GALNTL6: variants seen among roughly 807,000 people sequenced by gnomAD.
GALNTL6 encodes the protein polypeptide N-acetylgalactosaminyltransferase like 6, also known as polypeptide N-acetylgalactosaminyltransferase-like 6.
Under a neutral mutation model 73.7 loss-of-function variants are expected in GALNTL6, and 46 were observed. The ratio of observed to expected loss-of-function variants is 0.62; its 90% CI spans 0.49 to 0.80. The LOEUF (loss-of-function observed/expected upper bound fraction) is 0.80. Ranked by LOEUF, GALNTL6 falls within the 30% of genes least tolerant of loss-of-function variation. The probability of loss-of-function intolerance (pLI) is 0.00; values close to 1 mark genes in which losing one functional copy is unlikely to be tolerated. For missense variants in GALNTL6, 604 were observed against 755.0 expected (o/e 0.80, Z 2.34); for synonymous variants, 259 against 263.7 (o/e 0.98, Z 0.17).
chr4:172,438,202 C>T (rs568535937), intron 5 of GALNTL6, among the ~76,000 whole-genome samples: 2 of 152,020 alleles, frequency 1.3e-5, no homozygotes, highest in Admixed American at 1.3e-4. Flanking sequence ...TTTATAATAC[C>T]CTTCAATGCA....
At chr4:172,722,551 A>G (rs111791334) in intron 5 of GALNTL6, among the ~76,000 whole-genome samples, 1 of 152,124 alleles carries the variant, frequency 6.6e-6, no homozygotes, top group African/African-American at 2.4e-5. Flanking sequence ...TCTCAGGAAC[A>G]TTTTGATTTT....
chr4:172,466,323 A>G (rs771913021), intron 5 of GALNTL6, among the ~76,000 whole-genome samples: 5 of 152,212 alleles, frequency 3.3e-5, no homozygotes, highest in Non-Finnish European at 7.4e-5. Context: ...ACAAGGTCCT[A>G]TGAACTTCCA....
At position 172,402,496 on chromosome 4, in the gene GALNTL6, G is replaced by T. The variant is rs967112791; in HGVS notation, c.553+53807G>T. ...GCAGTTAACTGCCATTACTGGAACGGTGAAGGATACAATTTTAAAGAGAAA... is the reference window on the plus strand; with the variant it reads ...GCAGTTAACTGCCATTACTGGAACGTTGAAGGATACAATTTTAAAGAGAAA... On this transcript the variant is annotated intron_variant, in intron 5 of 12. Coordinates refer to ENST00000506823, the MANE Select transcript of GALNTL6 (RefSeq NM_001034845.3). Among the ~76,000 whole-genome samples, 3 of 152,170 alleles carry T rather than the reference G, an allele frequency of 2.0e-5. No homozygotes were observed. In the South Asian group the frequency reaches 6.2e-4, roughly 32 times the overall value.
At chr4:172,336,857 C>T (rs1348492315) in intron 4 of GALNTL6, among the ~76,000 whole-genome samples, 1 of 152,082 alleles carries the variant, frequency 6.6e-6, no homozygotes, top group Non-Finnish European at 1.5e-5. Context: ...CAGCACCCCT[C>T]CACCCCGTCC....
intron 2 of GALNTL6, among the ~76,000 whole-genome samples, chr4:171,845,319 T>C (rs914868128): frequency 2.6e-5 from 4 of 152,176 alleles, no homozygotes; most frequent in African/African-American, 9.7e-5. Flanking sequence ...AAGTTGACCG[T>C]AGGAATATGA....
chr4:172,291,822 C>A, intron 3 of GALNTL6, among the ~76,000 whole-genome samples: 1 of 151,346 alleles, frequency 6.6e-6, no homozygotes, highest in African/African-American at 2.4e-5. Context: ...AAAAATTCTG[C>A]CAAAATTATA....
intron 2 of GALNTL6, among the ~76,000 whole-genome samples, chr4:171,954,265 G>C (rs1029682050): frequency 6.6e-6 from 1 of 152,094 alleles, no homozygotes; most frequent in Non-Finnish European, 1.5e-5. Flanking sequence ...GAAATACACT[G>C]CTCCAGAGCA....
intron 2 of GALNTL6, among the ~76,000 whole-genome samples, chr4:171,903,306 C>T (rs1441252175): frequency 6.6e-6 from 1 of 152,074 alleles, no homozygotes. Context: ...CGAGCTGAAG[C>T]AGGGCGAGGC....
intron 3 of GALNTL6, among the ~76,000 whole-genome samples, chr4:172,250,200 A>C (rs1336178456): frequency 6.6e-6 from 1 of 152,154 alleles, no homozygotes; most frequent in Non-Finnish European, 1.5e-5. Context: ...CATGTGAGTC[A>C]TGGAGGCCTG....
intron 2 of GALNTL6, among the ~76,000 whole-genome samples, chr4:171,964,592 C>T (rs1357885636): frequency 6.6e-6 from 1 of 152,122 alleles, no homozygotes; most frequent in Non-Finnish European, 1.5e-5. Context: ...TTTTCATATT[C>T]CCATCATCTT....
chr4:171,822,675 T>A lies in GALNTL6; in HGVS notation c.138+7957T>A, dbSNP rs559500575. The stretch of plus-strand genomic sequence containing the variant: ...ACCACTATCAATTTTTCTTTTATTG[T>A]TGATACCATATTTTTGGATATGCAA... On this transcript the variant is annotated intron_variant, in intron 2 of 12. Transcript: ENST00000506823. Among the ~76,000 whole-genome samples the A allele has an allele frequency of 4.6e-5, 7 of 152,318 alleles. No homozygotes were observed. The South Asian group carries it at 1.4e-3, about 32-fold the overall frequency.
chr4:172,286,948 C>G (rs1353747751), intron 3 of GALNTL6, among the ~76,000 whole-genome samples: 1 of 152,146 alleles, frequency 6.6e-6, no homozygotes, highest in East Asian at 1.9e-4. Context: ...GCAGACAACT[C>G]TAGATGCTCA....
chr4:171,901,725 G>A (rs1170166621), intron 2 of GALNTL6, among the ~76,000 whole-genome samples: 1 of 152,072 alleles, frequency 6.6e-6, no homozygotes, highest in Non-Finnish European at 1.5e-5. Context: ...ATTCTAAACT[G>A]GATTTTTAAA....
chr4:172,706,948 A>G (rs1734392789), intron 5 of GALNTL6, among the ~76,000 whole-genome samples: 1 of 152,126 alleles, frequency 6.6e-6, no homozygotes, highest in African/African-American at 2.4e-5. Context: ...GGAGTTTTCA[A>G]CCTACATGCA....
At chr4:172,397,881 T>C (rs906400061) in intron 5 of GALNTL6, among the ~76,000 whole-genome samples, 2 of 152,154 alleles carry the variant, frequency 1.3e-5, no homozygotes, top group South Asian at 2.1e-4. Context: ...CTGGCCACTA[T>C]CTTTTATTTT....
intron 2 of GALNTL6, among the ~76,000 whole-genome samples, chr4:171,906,991 A>G (rs1474617988): frequency 6.6e-6 from 1 of 152,142 alleles, no homozygotes; most frequent in African/African-American, 2.4e-5. Context: ...GATGGGACGT[A>G]TTTCAAAATA....
At chr4:172,516,099 G>A (rs1196339692) in intron 5 of GALNTL6, among the ~76,000 whole-genome samples, 2 of 152,092 alleles carry the variant, frequency 1.3e-5, no homozygotes, top group Non-Finnish European at 2.9e-5. Context: ...ACATTTTACT[G>A]GTAGCACATA....
intron 7 of GALNTL6, among the ~76,000 whole-genome samples, chr4:172,833,121 T>C (rs999778372): frequency 4.6e-5 from 7 of 152,174 alleles, no homozygotes; most frequent in African/African-American, 1.4e-4. Flanking sequence ...CACTAGAACA[T>C]GGGCGTTCTT....
chr4:172,563,412 A>C (rs969978420), intron 5 of GALNTL6, among the ~76,000 whole-genome samples: 1 of 152,210 alleles, frequency 6.6e-6, no homozygotes, highest in African/African-American at 2.4e-5. Context: ...TCATGCAAGC[A>C]TTAAGAGACT....
Sources: allele counts gnomAD v4.1 joint callset (sites outside exome capture counted in the v4.1 genomes callset), GRCh38; gene constraint gnomAD v4.1.1; transcripts MANE v1.5; gene names NCBI Gene and HGNC (gene_info 2026-07-23, HGNC 2026-07-21).